ARL14EPL: variants seen among roughly 807,000 people sequenced by gnomAD.
ARL14EPL encodes the protein ARL14 effector protein-like.
ARL14EPL carries 17 observed loss-of-function variants against 15.9 expected under a neutral mutation model. The ratio of observed to expected loss-of-function variants is 1.07; its 90% confidence interval spans 0.73 to 1.60. The LOEUF (loss-of-function observed/expected upper bound fraction) is 1.60, where lower values mean the gene tolerates loss of function less well. Among genes scored for constraint, ARL14EPL ranks in the 40% most tolerant of loss-of-function variants. The probability of loss-of-function intolerance (pLI) is 0.00; values close to 1 mark genes in which losing one functional copy is unlikely to be tolerated. For missense variants in ARL14EPL, 214 were observed against 185.9 expected, an observed-to-expected ratio of 1.15 and a Z score of -0.88; for synonymous variants, 78 against 63.8, an observed-to-expected ratio of 1.22 and a Z score of -1.06.
chr5:116,048,158 T>C (rs1398884925), intron 1 of ARL14EPL, among the ~76,000 whole-genome samples: 2 of 152,196 alleles, frequency 1.3e-5, no homozygotes, highest in African/African-American at 4.8e-5. Flanking sequence ...CCTCTTCTCT[T>C]TGTGTTAGAA....
At chr5:116,057,725 C>T (rs1749553901) in intron 3 of ARL14EPL, among the ~76,000 whole-genome samples, 1 of 152,142 alleles carries the variant, frequency 6.6e-6, no homozygotes, top group Non-Finnish European at 1.5e-5. Flanking sequence ...TTTCCCTTCC[C>T]TGCATTCTTA....
chr5:116,036,035 T>G lies in ARL14EPL; in HGVS notation c.-10+3530T>G, dbSNP rs534917418. Among the ~76,000 whole-genome samples the G allele has an allele frequency of 2.6e-5, 4 of 152,294 alleles. No individual in the cohort carries two copies. The South Asian group carries it at 6.2e-4, about 24-fold the overall frequency. On this transcript the variant is annotated intron_variant, in intron 1 of 3. Transcript: ENST00000686077. Reference sequence around the variant, plus strand: ...AGAGCTGGCAAAGCCAAAATGTGGTTTACATAGTCCGAGTCCTAACATCAC... The same window carrying G: ...AGAGCTGGCAAAGCCAAAATGTGGTGTACATAGTCCGAGTCCTAACATCAC...
chr5:116,056,170 G>A (rs1310202528), intron 3 of ARL14EPL, among the ~76,000 whole-genome samples: 9 of 151,860 alleles, frequency 5.9e-5, no homozygotes, highest in Non-Finnish European at 1.3e-4. Context: ...TGCAGTAATG[G>A]GATGGCTGGG....
intron 1 of ARL14EPL, among the ~76,000 whole-genome samples, chr5:116,034,442 C>T (rs1475489008): frequency 5.9e-5 from 9 of 152,190 alleles, no homozygotes; most frequent in African/African-American, 9.6e-5. Flanking sequence ...TGTGAGAGGG[C>T]GGCAGGATGA....
At chr5:116,040,767 G>A (rs7716476) in intron 1 of ARL14EPL, among the ~76,000 whole-genome samples, 22,384 of 147,914 alleles carry the variant, frequency 0.15, 2,027 homozygotes, top group African/African-American at 0.24. Context: ...AGGTCATATC[G>A]AGACCATCCT....
At chr5:116,057,086 T>C (rs2662475) in intron 3 of ARL14EPL, among the ~76,000 whole-genome samples, 96,689 of 151,562 alleles carry the variant, frequency 0.64, 33,066 homozygotes, top group Non-Finnish European at 0.79. Flanking sequence ...CATGATCAAG[T>C]GGGCTTCATC....
At chr5:116,055,609 C>G (rs6862842) in intron 3 of ARL14EPL, among the ~76,000 whole-genome samples, 5,956 of 151,298 alleles carry the variant, frequency 0.039, 326 homozygotes, top group East Asian at 0.14. Flanking sequence ...TAACTAAGAC[C>G]AAAACAAGGA....
At chr5:116,046,884 GT>G (rs1375527592) in intron 1 of ARL14EPL, among the ~76,000 whole-genome samples, 1 of 152,166 alleles carries the variant, frequency 6.6e-6, no homozygotes, top group Non-Finnish European at 1.5e-5. Flanking sequence ...AGGTAATTAA[GT>G]TTAAATGAGG....
At chr5:116,044,134 A>G (rs1282954487) in intron 1 of ARL14EPL, among the ~76,000 whole-genome samples, 1 of 152,196 alleles carries the variant, frequency 6.6e-6, no homozygotes, top group Non-Finnish European at 1.5e-5. Context: ...GGACCACCTT[A>G]GGATTTTTGC....
intron 2 of ARL14EPL, 46 bp from the exon 3 acceptor site, chr5:116,053,968 T>A: frequency 1.4e-5 from 21 of 1,467,762 alleles, no homozygotes; most frequent in Non-Finnish European, 1.9e-5. Flanking sequence ...GTAAAACAGA[T>A]AAAACTATCT....
intron 1 of ARL14EPL, among the ~76,000 whole-genome samples, chr5:116,033,248 G>T (rs750299177): frequency 3.3e-5 from 5 of 152,164 alleles, no homozygotes; most frequent in Non-Finnish European, 5.9e-5. Flanking sequence ...TGGTGCAAAA[G>T]TGATACAAAT....
At chr5:116,037,680 T>C (rs1012206) in intron 1 of ARL14EPL, among the ~76,000 whole-genome samples, 5,810 of 152,282 alleles carry the variant, frequency 0.038, 408 homozygotes, top group African/African-American at 0.13. Flanking sequence ...TACATTATTC[T>C]TAGAAGTATT....
chr5:116,036,246 CT>C, intron 1 of ARL14EPL, among the ~76,000 whole-genome samples: 1 of 152,158 alleles, frequency 6.6e-6, no homozygotes, highest in East Asian at 1.9e-4. Context: ...TTGGGTTTTC[CT>C]TTTATTTATT....
At position 116,034,576 on chromosome 5, in the gene ARL14EPL, G is replaced by A. The variant is rs567636975; in HGVS notation, c.-10+2071G>A. Among the ~76,000 whole-genome samples, 18 of 152,192 alleles carry A rather than the reference G, an allele frequency of 1.2e-4. No homozygotes were observed. In the South Asian group the frequency reaches 3.1e-3, roughly 26 times the overall value. On this transcript the variant is annotated intron_variant, in intron 1 of 3. Coordinates refer to ENST00000686077, the MANE Select transcript of ARL14EPL (RefSeq NM_001195581.2). Reference sequence around the variant, plus strand: ...AAATGTTACCTCCTTTTATAAATAAGTTCAGAGAGAAGTTTTGACCTGCTC... The same window carrying A: ...AAATGTTACCTCCTTTTATAAATAAATTCAGAGAGAAGTTTTGACCTGCTC...
rs1039460183 is a variant in ARL14EPL, at chr5:116,040,840, G to T, written c.-10+8335G>T. Among the ~76,000 whole-genome samples, 12 of 149,504 alleles carry T rather than the reference G, an allele frequency of 8.0e-5. No homozygotes were observed. The East Asian group carries it at 1.2e-3, about 15-fold the overall frequency. ...AAAAAAAAAAAAAAAAATTAGTCGG[G>T]CGTGGTGGCGGGCGCCTGTAGTCCC... On this transcript the variant is annotated intron_variant, in intron 1 of 3. Coordinates refer to ENST00000686077, the MANE Select transcript of ARL14EPL (RefSeq NM_001195581.2).
intron 3 of ARL14EPL, among the ~76,000 whole-genome samples, chr5:116,055,150 G>C (rs1184806702): frequency 6.6e-6 from 1 of 152,142 alleles, no homozygotes; most frequent in Middle Eastern, 3.2e-3. Context: ...ATACATAGAA[G>C]TGCCATACTC....
chr5:116,034,918 G>A (rs872383), intron 1 of ARL14EPL, among the ~76,000 whole-genome samples: 2 of 151,960 alleles, frequency 1.3e-5, no homozygotes, highest in African/African-American at 4.8e-5. Flanking sequence ...GTCTCAAAAC[G>A]GGGGAATAAT....
chr5:116,057,137 A>G (rs913978724), intron 3 of ARL14EPL, among the ~76,000 whole-genome samples: 3 of 152,220 alleles, frequency 2.0e-5, no homozygotes, highest in Non-Finnish European at 1.5e-5. Context: ...AAATCAATAA[A>G]CGTAATCCAG....
intron 2 of ARL14EPL, 53 bp from the exon 3 acceptor site, chr5:116,053,961 A>G (rs1580417336): frequency 4.2e-6 from 6 of 1,443,222 alleles, no homozygotes; most frequent in Non-Finnish European, 5.5e-6. Context: ...GGGAAATGTA[A>G]AACAGATAAA....
Sources: gnomAD v4.1 joint callset for allele counts (sites outside exome capture counted in the v4.1 genomes callset) on GRCh38, gnomAD v4.1.1 for gene constraint, MANE v1.5 for transcripts, NCBI Gene and HGNC (gene_info 2026-07-23, HGNC 2026-07-21) for gene names.